AR: variants seen among roughly 807,000 people sequenced by gnomAD.
AR encodes the protein androgen receptor, also known as dihydrotestosterone receptor.
A neutral mutation model predicts 53.9 loss-of-function variants in AR; 8 were observed. The ratio of observed to expected loss-of-function variants is 0.15; its 90% confidence interval spans 0.09 to 0.27. The LOEUF is 0.27. Among genes scored for constraint, AR ranks in the 10% least tolerant of loss-of-function variants. The pLI, the probability that AR is intolerant of heterozygous loss-of-function variation, is 1.00. For synonymous variants in AR, 359 were observed against 316.4 expected (o/e 1.13, Z -1.43); for missense variants, 639 against 742.5 (o/e 0.86, Z 1.62).
intron 3 of AR, chrX:67,695,685 A>C: frequency 1.3e-6 from 1 of 747,223 alleles, no homozygotes; most frequent in Non-Finnish European, 1.6e-6. Context: ...AGTCAGAAGG[A>C]CTCTCCCTGA....
rs777700162 is a variant in AR, at chrX:67,726,804, G to A, written c.*2963G>A. 15 of 173,125 alleles carry A rather than the reference G, an allele frequency of 8.7e-5. No individual in the cohort carries two copies. Among genetic ancestry groups the A allele is most frequent in the African/African-American group, 3.5e-4 (12 of 33,837 alleles). The allele number at this position is 173,125 out of a possible 1,213,427, so 14.3% of individuals were successfully genotyped here. A position where few individuals can be genotyped will look rare whatever the true frequency, so the allele number is the denominator to read the frequency against. The stretch of plus-strand genomic sequence containing the variant: ...TTGACAGAAGTCTCATTTTGCATGC[G>A]CTCTGCTCTACAAACAGAGTTGGTA... On this transcript the variant is annotated 3_prime_UTR_variant, in exon 8 of 8. Coordinates refer to ENST00000374690, the MANE Select transcript of AR (RefSeq NM_000044.6).
At chrX:67,592,648 A>C (rs1028100551) in intron 1 of AR, among the ~76,000 whole-genome samples, 1 of 103,396 alleles carries the variant, frequency 9.7e-6, no homozygotes, top group African/African-American at 3.4e-5. Flanking sequence ...AAAAAAAAAA[A>C]CTTTTTTTTT....
chrX:67,639,080 T>C (rs1925608204), intron 1 of AR, among the ~76,000 whole-genome samples: 1 of 112,063 alleles, frequency 8.9e-6, no homozygotes, highest in Non-Finnish European at 1.9e-5. Flanking sequence ...GGGAATCCTT[T>C]CCCCATTGCT....
intron 1 of AR, among the ~76,000 whole-genome samples, chrX:67,564,496 T>G (rs1394078929): frequency 1.8e-5 from 2 of 112,163 alleles, no homozygotes; most frequent in Non-Finnish European, 3.8e-5. Context: ...TTCTTCCTGA[T>G]TCAGTCTTGG....
At chrX:67,711,271 T>G (rs1449268720) in intron 3 of AR, 131 bp from the exon 4 acceptor site, 2 of 762,338 alleles carry the variant, frequency 2.6e-6, no homozygotes, top group East Asian at 7.0e-5. Flanking sequence ...CACTTGTCCT[T>G]AAGGAGTTTA....
At chrX:67,600,720 A>G (rs1445134410) in intron 1 of AR, among the ~76,000 whole-genome samples, 1 of 111,694 alleles carries the variant, frequency 9.0e-6, no homozygotes, top group Non-Finnish European at 1.9e-5. Context: ...TGATTGTAAC[A>G]CAAAGAATAA....
In AR at chrX:67,725,146, C is replaced by T. The variant is rs768453370; in HGVS notation, c.*1305C>T. 5.7e-6 allele frequency: 1 copy of T among 174,407 alleles called. No individual in the cohort carries two copies. Among genetic ancestry groups the T allele is most frequent in the East Asian group, 8.1e-5 (1 of 12,362 alleles). 14.4% of individuals were successfully genotyped at this position (174,407 alleles called of 1,213,427 possible). The stretch of plus-strand genomic sequence containing the variant: ...CATCACACTGCATTTCAGCCATGGT[C>T]ATCAAGCCTGTTTGCTTCTTTTGGG... On this transcript the variant is annotated 3_prime_UTR_variant, in exon 8 of 8. Transcript: ENST00000374690.
rs113605394 is a variant in AR, at chrX:67,724,373, A to G, written c.*532A>G. ...AATAAATAAATAAATAAATACGTACATACATACACACATACATACAAACAT... is the reference window on the plus strand; with the variant it reads ...AATAAATAAATAAATAAATACGTACGTACATACACACATACATACAAACAT... On this transcript the variant is annotated 3_prime_UTR_variant, in exon 8 of 8. Transcript: ENST00000374690. 3.2e-3 allele frequency: 573 copies of G among 177,616 alleles called. 3 individuals carry two copies. Among genetic ancestry groups the G allele is most frequent in the African/African-American group, 0.016 (534 of 33,916 alleles). 14.6% of individuals were successfully genotyped at this position (177,616 alleles called of 1,213,427 possible). A position where few individuals can be genotyped will look rare whatever the true frequency, so the allele number is the denominator to read the frequency against.
intron 3 of AR, among the ~76,000 whole-genome samples, chrX:67,702,063 T>A (rs1326532812): frequency 8.9e-6 from 1 of 111,830 alleles, no homozygotes; most frequent in Non-Finnish European, 1.9e-5. Flanking sequence ...ATGGGCTTTA[T>A]AATCAGAAGA....
chrX:67,616,353 T>TAACCCCCTC (rs1224001241), intron 1 of AR, among the ~76,000 whole-genome samples: 5 of 110,009 alleles, frequency 4.5e-5, no homozygotes, highest in Non-Finnish European at 9.5e-5. Context: ...CCCTGTCCCC[T>TAACCCCCTC]AACCCCCTCA....
At chrX:67,609,633 T>C (rs1387346454) in intron 1 of AR, among the ~76,000 whole-genome samples, 1 of 111,411 alleles carries the variant, frequency 9.0e-6, no homozygotes, top group Non-Finnish European at 1.9e-5. Flanking sequence ...ATTTTTTTCT[T>C]GCATGGGATT....
chrX:67,629,680 C>T (rs1048732433), intron 1 of AR, among the ~76,000 whole-genome samples: 3 of 108,978 alleles, frequency 2.8e-5, no homozygotes, highest in African/African-American at 1.0e-4. Flanking sequence ...CTTCTGCTAG[C>T]TTTTGAATGT....
chrX:67,559,013 A>G (rs1921182090), intron 1 of AR, among the ~76,000 whole-genome samples: 1 of 112,200 alleles, frequency 8.9e-6, no homozygotes, highest in Admixed American at 9.4e-5. Context: ...ATTTTCCACT[A>G]TATTTATGGA....
At chrX:67,660,656 C>T (rs1926852265) in intron 2 of AR, among the ~76,000 whole-genome samples, 1 of 111,616 alleles carries the variant, frequency 9.0e-6, no homozygotes, top group Non-Finnish European at 1.9e-5. Context: ...GTGATGCCTC[C>T]AGCTCTGTTC....
intron 2 of AR, among the ~76,000 whole-genome samples, chrX:67,661,202 T>C (rs1324974016): frequency 2.7e-5 from 3 of 111,331 alleles, no homozygotes; most frequent in African/African-American, 9.8e-5. Context: ...GAATGCCCTT[T>C]ATTTCCTTCT....
intron 3 of AR, chrX:67,695,818 C>G (rs751900279): frequency 2.5e-5 from 19 of 746,633 alleles, no homozygotes; most frequent in South Asian, 1.4e-4. Flanking sequence ...CTCTCTCTCT[C>G]TCTCACACAC....
chrX:67,554,430 G>A (rs1930110070), intron 1 of AR, among the ~76,000 whole-genome samples: 2 of 111,499 alleles, frequency 1.8e-5, no homozygotes, highest in African/African-American at 6.5e-5. Flanking sequence ...CTTCTTTTTA[G>A]GGATGTACTC....
At chrX:67,572,768 C>T (rs890383844) in intron 1 of AR, among the ~76,000 whole-genome samples, 102 of 111,318 alleles carry the variant, frequency 9.2e-4, no homozygotes, top group Non-Finnish European at 3.4e-4. Context: ...GTAGGAAACT[C>T]TACTGTGTAT....
chrX:67,599,418 C>A (rs1923238328), intron 1 of AR, among the ~76,000 whole-genome samples: 1 of 111,969 alleles, frequency 8.9e-6, no homozygotes, highest in Non-Finnish European at 1.9e-5. Flanking sequence ...ATTTAGGCCA[C>A]TTGATTGAGA....
Sources: allele counts gnomAD v4.1 joint callset (sites outside exome capture counted in the v4.1 genomes callset), GRCh38; gene constraint gnomAD v4.1.1; transcripts MANE v1.5; gene names NCBI Gene and HGNC (gene_info 2026-07-23, HGNC 2026-07-21).